Variants in USP32 observed in about 807,000 individuals in gnomAD.
USP32 encodes ubiquitin carboxyl-terminal hydrolase 32.
In USP32, 59 loss-of-function variants were observed where a neutral mutation model predicts 204.8. That is an observed-to-expected ratio of 0.29 (90% CI 0.23 to 0.36). USP32 has a LOEUF of 0.36. USP32 is among the 10% of genes least tolerant of loss of function. USP32 has a pLI of 1.00. For missense variants in USP32, 1,160 were observed against 1,946.4 expected, an observed-to-expected ratio of 0.60 and a Z score of 7.60; for synonymous variants, 517 against 678.4, an observed-to-expected ratio of 0.76 and a Z score of 3.70.
chr17:60,288,420 A>C, intron 5 of USP32, 103 bp downstream of exon 5: 1 of 1,364,500 alleles, frequency 7.3e-7, no homozygotes, highest in South Asian at 1.7e-5. Context: ...AGCCTGGGAC[A>C]GAATTTAAAT....
chr17:60,391,859 C>T, intron 1 of USP32, 23 bp downstream of exon 1: 1 of 1,601,568 alleles, frequency 6.2e-7, no homozygotes, highest in Non-Finnish European at 8.5e-7. Context: ...CCAGGCAGCT[C>T]GCCCAGACCC....
rs530538356 is a variant in USP32, at chr17:60,195,493, A to G, written c.3435-2563T>C. On this transcript the variant is annotated intron_variant, in intron 27 of 33. Coordinates refer to ENST00000300896, the MANE Select transcript of USP32 (RefSeq NM_032582.4). The stretch of plus-strand genomic sequence containing the variant: ...GCTGGGATTACAGGCACGTACCACC[A>G]TGCCCGGCTAATTTTTGCATTTTTA... Among the ~76,000 whole-genome samples, 75 of 152,284 alleles carry G rather than the reference A, an allele frequency of 4.9e-4. 1 individual carries two copies. In the South Asian group the frequency reaches 0.016, roughly 32 times the overall value.
At chr17:60,256,578 T>C (rs1240101418) in intron 9 of USP32, 5 of 570,532 alleles carry the variant, frequency 8.8e-6, no homozygotes, top group Non-Finnish European at 1.1e-5. Context: ...TTTCCATGTC[T>C]GCATGAATTT....
At chr17:60,419,777 G>A (rs2090092297) in intron 1 of USP32, among the ~76,000 whole-genome samples, 1 of 148,636 alleles carries the variant, frequency 6.7e-6, no homozygotes, top group East Asian at 2.0e-4. Flanking sequence ...CATGACACAG[G>A]TTTATCTATA....
chr17:60,387,985 T>C (rs1413244285), intron 1 of USP32, among the ~76,000 whole-genome samples: 2 of 152,158 alleles, frequency 1.3e-5, no homozygotes, highest in African/African-American at 4.8e-5. Context: ...GGATTGTCTA[T>C]ATACACTTAG....
intron 2 of USP32, among the ~76,000 whole-genome samples, chr17:60,312,200 G>T (rs545135524): frequency 1.3e-5 from 2 of 152,280 alleles, no homozygotes; most frequent in African/African-American, 4.8e-5. Flanking sequence ...ACTATCTCAG[G>T]ACAGAAGGCG....
At chr17:60,280,711 C>T (rs1476402516) in intron 5 of USP32, among the ~76,000 whole-genome samples, 1 of 152,154 alleles carries the variant, frequency 6.6e-6, no homozygotes, top group East Asian at 1.9e-4. Flanking sequence ...ATAACATTCC[C>T]TATTTTTATC....
chr17:60,213,945 GTTTTTT>G (rs1318250567), intron 17 of USP32, among the ~76,000 whole-genome samples: 4 of 139,622 alleles, frequency 2.9e-5, no homozygotes, highest in African/African-American at 1.0e-4. Context: ...TTTGTTTTTT[GTTTTTT>G]TTTTTTTTAA....
chr17:60,302,161 G>A (rs1194086882), intron 2 of USP32, among the ~76,000 whole-genome samples: 3 of 150,694 alleles, frequency 2.0e-5, no homozygotes, highest in Admixed American at 2.0e-4. Flanking sequence ...TTGAGATGGA[G>A]TTTTGCTCCT....
At chr17:60,265,825 A>C in intron 8 of USP32, 151 bp downstream of exon 8, 1 of 601,982 alleles carries the variant, frequency 1.7e-6, no homozygotes, top group Non-Finnish European at 2.8e-6. Flanking sequence ...CTCTCTTTCC[A>C]ATTTTGCATC....
intron 12 of USP32, among the ~76,000 whole-genome samples, chr17:60,228,235 C>T (rs2145597333): frequency 6.6e-6 from 1 of 152,102 alleles, no homozygotes; most frequent in African/African-American, 2.4e-5. Flanking sequence ...ATGCTGGCCT[C>T]AAACTCCTGA....
At chr17:60,242,022 C>T (rs1473193359) in intron 11 of USP32, among the ~76,000 whole-genome samples, 1 of 152,168 alleles carries the variant, frequency 6.6e-6, no homozygotes, top group Non-Finnish European at 1.5e-5. Flanking sequence ...TATAGGGAAT[C>T]CATTTTGAGT....
chr17:60,371,391 AC>A (rs1217720277), intron 1 of USP32, among the ~76,000 whole-genome samples: 1 of 151,856 alleles, frequency 6.6e-6, no homozygotes, highest in Non-Finnish European at 1.5e-5. Flanking sequence ...ATGTGGTGAA[AC>A]CCCGTCTCTA....
In USP32 at chr17:60,178,800, T is replaced by A. The variant is rs1032651202; in HGVS notation, c.*455A>T. On this transcript the variant is annotated 3_prime_UTR_variant, in exon 34 of 34. Coordinates refer to ENST00000300896, the MANE Select transcript of USP32 (RefSeq NM_032582.4). ...TCTTGCTTTCTCCATCTTGTCAATA[T>A]AATGGAATAAAACTTCAGGAAAAAG... Among the ~76,000 whole-genome samples the A allele has an allele frequency of 6.6e-6, 1 of 152,384 alleles. No homozygotes were observed. The highest frequency in any genetic ancestry group is 1.5e-5 in the Non-Finnish European group (1 of 68,044).
Position 60,351,853 on chromosome 17 carries a change from T to C in USP32, c.59-6245A>G, listed in dbSNP as rs368297277. The stretch of plus-strand genomic sequence containing the variant: ...ACAAAAATAACTATAATACCAAATA[T>C]GAAATATTAAACTGGAGGTATTCAA... On this transcript the variant is annotated intron_variant, in intron 1 of 33. Transcript: ENST00000300896. 4.6e-5 allele frequency among the ~76,000 whole-genome samples: 7 copies of C among 152,008 alleles called. No homozygotes were observed. In the South Asian group the frequency reaches 1.5e-3, roughly 31 times the overall value.
intron 1 of USP32, among the ~76,000 whole-genome samples, chr17:60,385,750 G>A (rs1430869759): frequency 6.7e-6 from 1 of 149,294 alleles, no homozygotes; most frequent in East Asian, 2.0e-4. Context: ...GCTGACGCAT[G>A]AGAATAGCTT....
chr17:60,256,911 A>G, intron 9 of USP32: 3 of 411,280 alleles, frequency 7.3e-6, no homozygotes, highest in South Asian at 4.2e-5. Context: ...CATAGAATAA[A>G]AAACACTGAC....
At chr17:60,398,171 C>T (rs1326608904) in intron 1 of USP32, among the ~76,000 whole-genome samples, 2 of 152,112 alleles carry the variant, frequency 1.3e-5, no homozygotes, top group Non-Finnish European at 2.9e-5. Flanking sequence ...TTGAGACCAG[C>T]TTGGGCAACA....
chr17:60,215,749 A>G (rs1248263067), intron 16 of USP32, among the ~76,000 whole-genome samples: 1 of 152,208 alleles, frequency 6.6e-6, no homozygotes, highest in Non-Finnish European at 1.5e-5. Context: ...ATAGCCAAAC[A>G]GAGTTTTTTA....
Sources: gnomAD v4.1 joint callset for allele counts (sites outside exome capture counted in the v4.1 genomes callset) on GRCh38, gnomAD v4.1.1 for gene constraint, MANE v1.5 for transcripts, NCBI Gene and HGNC (gene_info 2026-07-23, HGNC 2026-07-21) for gene names.